PTPRD: variants seen among roughly 807,000 people sequenced by gnomAD.
PTPRD encodes the protein receptor-type tyrosine-protein phosphatase delta.
PTPRD carries 34 observed loss-of-function variants against 214.5 expected under a neutral mutation model. The observed-to-expected ratio is 0.16, with a 90% CI of 0.12 to 0.21. PTPRD has a LOEUF of 0.21. PTPRD is among the 10% of genes least tolerant of loss of function. The pLI is 1.00. For missense variants in PTPRD, 2,545 were observed against 2,398.7 expected, an observed-to-expected ratio of 1.06 and a Z score of -1.27; for synonymous variants, 1,128 against 845.7, an observed-to-expected ratio of 1.33 and a Z score of -5.79.
chr9:10,518,632 A>C (rs977699125), intron 2 of PTPRD, among the ~76,000 whole-genome samples: 9 of 151,566 alleles, frequency 5.9e-5, no homozygotes, highest in Admixed American at 3.3e-4. Flanking sequence ...TCCCAGGTTC[A>C]CGCCATTCTG....
chr9:9,511,419 CA>C (rs1282342219), intron 8 of PTPRD, among the ~76,000 whole-genome samples: 1 of 151,582 alleles, frequency 6.6e-6, no homozygotes, highest in East Asian at 1.9e-4. Flanking sequence ...TTTCAGCTGT[CA>C]AATGGCAAAA....
chr9:9,141,231 T>G, intron 10 of PTPRD, among the ~76,000 whole-genome samples: 1 of 125,040 alleles, frequency 8.0e-6, no homozygotes, highest in South Asian at 2.9e-4. Context: ...TTCTCTCTCC[T>G]CCCCCCGTCT....
At chr9:10,519,323 G>A (rs895145581) in intron 2 of PTPRD, among the ~76,000 whole-genome samples, 1 of 148,384 alleles carries the variant, frequency 6.7e-6, no homozygotes. Flanking sequence ...TTCTCCTCTG[G>A]GGAAGGTACC....
chr9:9,089,783 G>A (rs1280746397), intron 10 of PTPRD, among the ~76,000 whole-genome samples: 1 of 152,150 alleles, frequency 6.6e-6, no homozygotes, highest in Non-Finnish European at 1.5e-5. Flanking sequence ...TTTTGTGAAG[G>A]TTTCCAAAGT....
intron 3 of PTPRD, among the ~76,000 whole-genome samples, chr9:10,102,192 T>C (rs1159481375): frequency 6.6e-6 from 1 of 151,742 alleles, no homozygotes. Flanking sequence ...ATAAAATCAC[T>C]ACTCATTCTC....
chr9:9,723,022 C>T (rs1351842931), intron 7 of PTPRD, among the ~76,000 whole-genome samples: 1 of 152,036 alleles, frequency 6.6e-6, no homozygotes, highest in Non-Finnish European at 1.5e-5. Flanking sequence ...TTATTTAAAG[C>T]ACAGAAGACT....
intron 8 of PTPRD, among the ~76,000 whole-genome samples, chr9:9,559,762 A>T (rs828837): frequency 6.6e-6 from 1 of 152,000 alleles, no homozygotes; most frequent in East Asian, 1.9e-4. Context: ...CAAGTGGTCC[A>T]GCAAGTCTGT....
chr9:8,512,443 T>C (rs1265382227), intron 21 of PTPRD, among the ~76,000 whole-genome samples: 1 of 152,072 alleles, frequency 6.6e-6, no homozygotes, highest in African/African-American at 2.4e-5. Context: ...ATTGGACTCA[T>C]AACTTTGGTT....
intron 7 of PTPRD, among the ~76,000 whole-genome samples, chr9:9,707,276 G>T (rs1224460077): frequency 6.6e-6 from 1 of 152,074 alleles, no homozygotes; most frequent in Non-Finnish European, 1.5e-5. Context: ...AACAAAATAA[G>T]AATATTTTTG....
chr9:9,172,093 C>G (rs2099921823), intron 10 of PTPRD, among the ~76,000 whole-genome samples: 1 of 152,058 alleles, frequency 6.6e-6, no homozygotes, highest in African/African-American at 2.4e-5. Context: ...TAAATTACTG[C>G]ATATCTTAGT....
chr9:8,361,221 C>T (rs1156697935), intron 39 of PTPRD, among the ~76,000 whole-genome samples: 1 of 152,120 alleles, frequency 6.6e-6, no homozygotes, highest in Non-Finnish European at 1.5e-5. Context: ...TCTAGCTCTG[C>T]TTTCACAGAT....
intron 9 of PTPRD, among the ~76,000 whole-genome samples, chr9:9,288,951 T>C (rs1192648908): frequency 5.9e-5 from 9 of 151,896 alleles, no homozygotes; most frequent in Non-Finnish European, 1.3e-4. Context: ...CCTTATGCCA[T>C]GATTATAAGT....
intron 26 of PTPRD, among the ~76,000 whole-genome samples, chr9:8,495,524 C>T (rs984174944): frequency 1.3e-5 from 2 of 152,058 alleles, no homozygotes; most frequent in African/African-American, 4.8e-5. Context: ...AGGTAATGAC[C>T]CATTTAGTAG....
At chr9:10,467,281 T>C (rs555728710) in intron 2 of PTPRD, among the ~76,000 whole-genome samples, 2 of 152,258 alleles carry the variant, frequency 1.3e-5, no homozygotes, top group East Asian at 3.8e-4. Context: ...CCTGTCAATA[T>C]ACTGTGTTGT....
chr9:9,461,981 T>C (rs2093700656), intron 8 of PTPRD, among the ~76,000 whole-genome samples: 1 of 152,180 alleles, frequency 6.6e-6, no homozygotes, highest in Non-Finnish European at 1.5e-5. Flanking sequence ...TTAAACCAAA[T>C]TACTTTGTTG....
chr9:8,961,715 G>C (rs149904108), intron 11 of PTPRD, among the ~76,000 whole-genome samples: 1,823 of 152,150 alleles, frequency 0.012, 53 homozygotes, highest in South Asian at 0.12. Flanking sequence ...GAAATATTCA[G>C]ACAAAGAAGC....
Position 10,263,773 on chromosome 9 carries a change from A to T in PTPRD, c.-545+77190T>A, listed in dbSNP as rs919836521. Among the ~76,000 whole-genome samples the T allele has an allele frequency of 2.0e-5, 3 of 152,170 alleles. No homozygotes were observed. The South Asian group carries it at 6.2e-4, about 31-fold the overall frequency. The stretch of plus-strand genomic sequence containing the variant: ...AACAAGGAGCCCAATGTTAATCACC[A>T]AGACAATGGTGAAAACGTCCCTAGG... On this transcript the variant is annotated intron_variant, in intron 3 of 45. Coordinates refer to ENST00000381196, the MANE Select transcript of PTPRD (RefSeq NM_002839.4).
At chr9:8,638,923 A>G (rs915644795) in intron 12 of PTPRD, among the ~76,000 whole-genome samples, 1 of 151,988 alleles carries the variant, frequency 6.6e-6, no homozygotes, top group Non-Finnish European at 1.5e-5. Context: ...ACTCACTGCA[A>G]CCTCCACTAC....
At chr9:9,237,619 A>G (rs2099967668) in intron 9 of PTPRD, among the ~76,000 whole-genome samples, 1 of 152,142 alleles carries the variant, frequency 6.6e-6, no homozygotes. Context: ...TTGAAATCTG[A>G]CAAGAGATTT....
Sources: allele counts gnomAD v4.1 joint callset (sites outside exome capture counted in the v4.1 genomes callset), GRCh38; gene constraint gnomAD v4.1.1; transcripts MANE v1.5; gene names NCBI Gene and HGNC (gene_info 2026-07-23, HGNC 2026-07-21).